The following NMNAT3 variants were observed in gnomAD, a reference collection of about 807,000 sequenced individuals.
The protein encoded by NMNAT3 is nicotinamide/nicotinic acid mononucleotide adenylyltransferase 3.
Under a neutral mutation model 24.8 loss-of-function variants are expected in NMNAT3, and 21 were observed. The ratio of observed to expected loss-of-function variants is 0.85; its 90% confidence interval spans 0.60 to 1.22. The LOEUF (loss-of-function observed/expected upper bound fraction) is 1.22, where lower values mean the gene tolerates loss of function less well. Among genes scored for constraint, NMNAT3 ranks in the 50% most tolerant of loss-of-function variants. The pLI is 0.00. For synonymous variants in NMNAT3, 136 were observed against 155.2 expected (o/e 0.88, Z 0.92); for missense variants, 387 against 436.6 (o/e 0.89, Z 1.01).
intron 3 of NMNAT3, among the ~76,000 whole-genome samples, chr3:139,615,470 C>CCAT (rs1559913004): frequency 1.9e-4 from 28 of 146,652 alleles, no homozygotes; most frequent in Non-Finnish European, 3.0e-4. Flanking sequence ...TATCCATCCA[C>CCAT]CCACCCATCC....
chr3:139,670,332 G>T (rs1367271672), intron 1 of NMNAT3, among the ~76,000 whole-genome samples: 3 of 152,172 alleles, frequency 2.0e-5, no homozygotes, highest in African/African-American at 4.8e-5. Context: ...GACAGAAATG[G>T]TATGTGTATA....
At chr3:139,633,343 G>A (rs887146521) in intron 2 of NMNAT3, among the ~76,000 whole-genome samples, 1 of 152,064 alleles carries the variant, frequency 6.6e-6, no homozygotes, top group Admixed American at 6.5e-5. Context: ...ACTGTGCCCT[G>A]CTAATTTTGT....
rs370989211 is a variant in NMNAT3, at chr3:139,578,849, C to G, written c.575+23G>C. 4 of 1,602,148 alleles carry G rather than the reference C, an allele frequency of 2.5e-6. No individual in the cohort carries two copies. The African/African-American group carries it at 5.3e-5, about 21-fold the overall frequency. On this transcript the variant is annotated intron_variant, in intron 5 of 6. Coordinates refer to ENST00000643695, the MANE Select transcript of NMNAT3 (RefSeq NM_001320510.2). ...CATCTCCCGTGGCCCCTGGTCATCACACAGGAGAGTGACTACCATTACCTC... is the reference window on the plus strand; with the variant it reads ...CATCTCCCGTGGCCCCTGGTCATCAGACAGGAGAGTGACTACCATTACCTC...
At chr3:139,669,945 T>C (rs1326038284) in intron 1 of NMNAT3, among the ~76,000 whole-genome samples, 1 of 152,232 alleles carries the variant, frequency 6.6e-6, no homozygotes, top group African/African-American at 2.4e-5. Flanking sequence ...TGTTGGGTCT[T>C]AAACTGTACA....
At chr3:139,571,985 C>A in intron 6 of NMNAT3, 1 of 396,294 alleles carries the variant, frequency 2.5e-6, no homozygotes. Context: ...TGCCCTTGTG[C>A]TTTCCTTAGT....
At chr3:139,620,365 T>C (rs1429584265) in intron 3 of NMNAT3, among the ~76,000 whole-genome samples, 2 of 152,188 alleles carry the variant, frequency 1.3e-5, no homozygotes, top group African/African-American at 4.8e-5. Context: ...TCCTCTCTTT[T>C]TGCACTTACT....
At chr3:139,667,742 C>G (rs145476928) in intron 1 of NMNAT3, among the ~76,000 whole-genome samples, 1 of 152,292 alleles carries the variant, frequency 6.6e-6, no homozygotes, top group East Asian at 1.9e-4. Context: ...GGTTTGTGCT[C>G]TTGTCTTACA....
intron 1 of NMNAT3, among the ~76,000 whole-genome samples, chr3:139,675,100 G>A (rs2057882802): frequency 8.0e-6 from 1 of 124,968 alleles, no homozygotes; most frequent in Non-Finnish European, 1.7e-5. Flanking sequence ...AAATACATTA[G>A]TCATCTTTCC....
chr3:139,603,076 C>G (rs1368723024), intron 3 of NMNAT3, among the ~76,000 whole-genome samples: 2 of 152,160 alleles, frequency 1.3e-5, no homozygotes, highest in Non-Finnish European at 2.9e-5. Context: ...GATTGATAGG[C>G]ACCTACCTTC....
At chr3:139,633,684 C>T (rs2056391970) in intron 2 of NMNAT3, among the ~76,000 whole-genome samples, 1 of 152,026 alleles carries the variant, frequency 6.6e-6, no homozygotes, top group Non-Finnish European at 1.5e-5. Flanking sequence ...GCTGCGAAGG[C>T]CTAGACACAG....
In NMNAT3 at chr3:139,596,916, G is replaced by GTGTA. The variant is rs1393197797; in HGVS notation, c.110-13709_110-13708insTACA. 9.8e-3 allele frequency among the ~76,000 whole-genome samples: 939 copies of GTGTA among 95,982 alleles called. 6 individuals carry two copies. The highest frequency in any genetic ancestry group is 0.014 in the South Asian group (33 of 2,332). The allele number at this position is 95,982 out of a possible 152,430, so 63.0% of individuals were successfully genotyped here. A position where few individuals can be genotyped will look rare whatever the true frequency, so the allele number is the denominator to read the frequency against. On this transcript the variant is annotated intron_variant, in intron 3 of 6. Transcript: ENST00000643695. ...TTTCCACTATATTTTTGTCATGTGTGTATATATATATATATATATATATAT... is the reference window on the plus strand; with the variant it reads ...TTTCCACTATATTTTTGTCATGTGTGTGTATATATATATATATATATATATATAT...
intron 6 of NMNAT3, among the ~76,000 whole-genome samples, chr3:139,565,137 T>A (rs1303343644): frequency 2.6e-5 from 4 of 152,202 alleles, no homozygotes; most frequent in Admixed American, 2.6e-4. Flanking sequence ...TACAGTATAA[T>A]TTAGGTATAC....
intron 1 of NMNAT3, among the ~76,000 whole-genome samples, chr3:139,650,393 G>C (rs766661821): frequency 5.3e-5 from 8 of 152,186 alleles, no homozygotes; most frequent in Non-Finnish European, 8.8e-5. Context: ...CTATCTGGAA[G>C]GCTTATGCTT....
At chr3:139,636,818 C>T (rs1372909403) in intron 2 of NMNAT3, 4 of 152,160 alleles carry the variant, frequency 2.6e-5, no homozygotes, top group African/African-American at 9.7e-5. Flanking sequence ...ATCTCTGAAC[C>T]TCCAGACCCT....
rs1936287454 is a variant in NMNAT3, at chr3:139,560,876, C to T, written c.*134G>A. ...TCTCTTCCTGGGACAGAAGACTCCT[C>T]AGAAGTAGAATCACTGTAGAAATAA... On this transcript the variant is annotated 3_prime_UTR_variant, in exon 7 of 7. Coordinates refer to ENST00000643695, the MANE Select transcript of NMNAT3 (RefSeq NM_001320510.2). 4 of 870,292 alleles carry T rather than the reference C, an allele frequency of 4.6e-6. No homozygotes were observed. Among genetic ancestry groups the T allele is most frequent in the African/African-American group, 3.3e-5 (2 of 59,736 alleles). 53.9% of individuals were successfully genotyped at this position (870,292 alleles called of 1,614,324 possible).
intron 3 of NMNAT3, among the ~76,000 whole-genome samples, chr3:139,595,956 C>A (rs949989270): frequency 2.0e-5 from 3 of 152,198 alleles, no homozygotes; most frequent in Admixed American, 6.5e-5. Context: ...CCAAAATTGA[C>A]AAATGGGATC....
At chr3:139,586,392 G>C (rs995299528) in intron 3 of NMNAT3, among the ~76,000 whole-genome samples, 2 of 152,178 alleles carry the variant, frequency 1.3e-5, no homozygotes, top group African/African-American at 2.4e-5. Flanking sequence ...TAAAAAAGGT[G>C]AAGTGTGGAA....
intron 1 of NMNAT3, among the ~76,000 whole-genome samples, chr3:139,649,718 C>A (rs959987394): frequency 6.6e-6 from 1 of 152,076 alleles, no homozygotes; most frequent in Non-Finnish European, 1.5e-5. Flanking sequence ...AAAAGGACAC[C>A]CCTAGCCTCA....
At chr3:139,604,690 C>T (rs2054862351) in intron 3 of NMNAT3, among the ~76,000 whole-genome samples, 1 of 152,176 alleles carries the variant, frequency 6.6e-6, no homozygotes, top group African/African-American at 2.4e-5. Flanking sequence ...ACACTGTCTG[C>T]ACATTGTCTA....
Sources: gnomAD v4.1 joint callset for allele counts (sites outside exome capture counted in the v4.1 genomes callset) on GRCh38, gnomAD v4.1.1 for gene constraint, MANE v1.5 for transcripts, NCBI Gene and HGNC (gene_info 2026-07-23, HGNC 2026-07-21) for gene names.